LRMDA: variants seen among roughly 807,000 people sequenced by gnomAD.
LRMDA encodes the protein leucine-rich melanocyte differentiation-associated protein.
A neutral mutation model predicts 29.8 loss-of-function variants in LRMDA; 18 were observed. The ratio of observed to expected loss-of-function variants is 0.60; its 90% CI spans 0.42 to 0.90. The LOEUF is 0.90. Ranked by LOEUF, LRMDA falls within the 40% of genes least tolerant of loss-of-function variation. The pLI, the probability that LRMDA is intolerant of heterozygous loss-of-function variation, is 0.00. For missense variants in LRMDA, 273 were observed against 273.9 expected, an observed-to-expected ratio of 1.00 and a Z score of 0.02; for synonymous variants, 125 against 109.4, an observed-to-expected ratio of 1.14 and a Z score of -0.89.
chr10:76,444,618 A>T (rs4745814), intron 6 of LRMDA, among the ~76,000 whole-genome samples: 57,342 of 151,996 alleles, frequency 0.38, 11,583 homozygotes, highest in African/African-American at 0.5. Context: ...TGGTTACACA[A>T]CCAGCCAAGC....
At chr10:76,198,352 G>T (rs1851368124) in intron 5 of LRMDA, among the ~76,000 whole-genome samples, 1 of 152,238 alleles carries the variant, frequency 6.6e-6, no homozygotes, top group South Asian at 2.1e-4. Context: ...AGGCCAGTGG[G>T]CCGCACTTTG....
intron 5 of LRMDA, among the ~76,000 whole-genome samples, chr10:76,160,477 G>T (rs12253494): frequency 0.11 from 17,326 of 151,868 alleles, 1,432 homozygotes; most frequent in African/African-American, 0.23. Context: ...AGTATGTATG[G>T]AAGAAATTAT....
chr10:76,360,413 G>A (rs771674872), intron 6 of LRMDA, among the ~76,000 whole-genome samples: 23 of 152,100 alleles, frequency 1.5e-4, no homozygotes, highest in Non-Finnish European at 2.9e-4. Context: ...AGATACAGGG[G>A]CTATATCTTT....
intron 2 of LRMDA, among the ~76,000 whole-genome samples, chr10:75,497,614 T>TCC (rs534166204): frequency 1.3e-5 from 2 of 149,500 alleles, no homozygotes; most frequent in Non-Finnish European, 3.0e-5. Flanking sequence ...TAATTCCTGC[T>TCC]CCCTCCCCTC....
chr10:75,698,847 A>G (rs7897400), intron 2 of LRMDA, among the ~76,000 whole-genome samples: 6,086 of 152,276 alleles, frequency 0.04, 308 homozygotes, highest in African/African-American at 0.12. Flanking sequence ...GTCATGAGAA[A>G]GAATTTGCGT....
At chr10:75,538,602 TTTG>T (rs1839980732) in intron 2 of LRMDA, among the ~76,000 whole-genome samples, 2 of 96,418 alleles carry the variant, frequency 2.1e-5, no homozygotes, top group African/African-American at 9.9e-5. Context: ...AGTAGTTTTG[TTTG>T]TTTGTTTGTT....
chr10:75,698,550 A>G (rs1397030319), intron 2 of LRMDA, among the ~76,000 whole-genome samples: 1 of 152,136 alleles, frequency 6.6e-6, no homozygotes, highest in Non-Finnish European at 1.5e-5. Context: ...CAGGTGGCAC[A>G]TGGGCAGGGG....
At chr10:76,448,356 A>G (rs888817561) in intron 6 of LRMDA, among the ~76,000 whole-genome samples, 1 of 152,178 alleles carries the variant, frequency 6.6e-6, no homozygotes, top group African/African-American at 2.4e-5. Flanking sequence ...TAAATCATCC[A>G]AATTTTAATA....
chr10:75,974,556 G>T (rs1847036942), intron 2 of LRMDA, among the ~76,000 whole-genome samples: 1 of 152,122 alleles, frequency 6.6e-6, no homozygotes, highest in Non-Finnish European at 1.5e-5. Context: ...CTTACACTAA[G>T]GGCCAGGCCT....
At chr10:75,699,609 G>T (rs933872476) in intron 2 of LRMDA, among the ~76,000 whole-genome samples, 3 of 152,170 alleles carry the variant, frequency 2.0e-5, no homozygotes, top group African/African-American at 7.2e-5. Flanking sequence ...AATAATCTGA[G>T]TGTGACTGGT....
chr10:76,543,913 C>T (rs151091522), intron 6 of LRMDA, among the ~76,000 whole-genome samples: 3 of 152,164 alleles, frequency 2.0e-5, no homozygotes, highest in Admixed American at 6.5e-5. Context: ...GAGCCCCCCC[C>T]AGGAGAGGTC....
At chr10:76,429,196 A>G (rs904967985) in intron 6 of LRMDA, among the ~76,000 whole-genome samples, 1 of 152,104 alleles carries the variant, frequency 6.6e-6, no homozygotes, top group Non-Finnish European at 1.5e-5. Flanking sequence ...CGCCAAGCCA[A>G]TGTTGCATTA....
At chr10:76,481,362 A>G (rs1326226790) in intron 6 of LRMDA, among the ~76,000 whole-genome samples, 1 of 151,896 alleles carries the variant, frequency 6.6e-6, no homozygotes, top group Non-Finnish European at 1.5e-5. Flanking sequence ...TCCTTTGATG[A>G]ATGAACTCAG....
intron 2 of LRMDA, among the ~76,000 whole-genome samples, chr10:75,586,561 T>C (rs1487659041): frequency 6.6e-6 from 1 of 151,966 alleles, no homozygotes; most frequent in Non-Finnish European, 1.5e-5. Context: ...CTTCACCGTG[T>C]TGTCCTGAGC....
At chr10:75,717,879 A>T (rs952971047) in intron 2 of LRMDA, among the ~76,000 whole-genome samples, 1 of 152,166 alleles carries the variant, frequency 6.6e-6, no homozygotes, top group African/African-American at 2.4e-5. Flanking sequence ...TAGTTCAGCC[A>T]TATCGCACCA....
intron 6 of LRMDA, among the ~76,000 whole-genome samples, chr10:76,518,818 G>A (rs897067265): frequency 2.6e-5 from 4 of 152,092 alleles, no homozygotes; most frequent in African/African-American, 4.8e-5. Context: ...TGAATAACAA[G>A]CTGATTTTAA....
At chr10:76,176,511 C>T (rs969971574) in intron 5 of LRMDA, among the ~76,000 whole-genome samples, 4 of 152,128 alleles carry the variant, frequency 2.6e-5, no homozygotes, top group African/African-American at 4.8e-5. Flanking sequence ...TATAAATTGC[C>T]GGCTGGGCGC....
chr10:76,011,965 G>C (rs554839545), intron 2 of LRMDA, among the ~76,000 whole-genome samples: 22 of 152,302 alleles, frequency 1.4e-4, no homozygotes, highest in Non-Finnish European at 3.2e-4. Flanking sequence ...CAAAGTCCAG[G>C]ATAGGAGGAG....
intron 2 of LRMDA, among the ~76,000 whole-genome samples, chr10:76,009,438 A>C (rs1396647167): frequency 6.6e-6 from 1 of 152,226 alleles, no homozygotes; most frequent in African/African-American, 2.4e-5. Flanking sequence ...GTGATGTCTT[A>C]AAATTCGAAG....
Sources: allele counts gnomAD v4.1 joint callset (sites outside exome capture counted in the v4.1 genomes callset), GRCh38; gene constraint gnomAD v4.1.1; transcripts MANE v1.5; gene names NCBI Gene and HGNC (gene_info 2026-07-23, HGNC 2026-07-21).